Variants in EPHB3 observed in about 807,000 individuals in gnomAD.
The protein encoded by EPHB3 is EPH receptor B3.
A neutral mutation model predicts 100.2 loss-of-function variants in EPHB3; 33 were observed. That is an observed-to-expected ratio of 0.33 (90% confidence interval 0.25 to 0.44). The LOEUF (loss-of-function observed/expected upper bound fraction) is 0.44. Among genes scored for constraint, EPHB3 ranks in the 20% least tolerant of loss-of-function variants. The probability of loss-of-function intolerance (pLI) is 1.00; values close to 1 mark genes in which losing one functional copy is unlikely to be tolerated. For synonymous variants in EPHB3, 526 were observed against 554.7 expected (o/e 0.95, Z 0.73); for missense variants, 1,045 against 1,378.3 (o/e 0.76, Z 3.83).
rs1406425271 is a variant in EPHB3, at chr3:184,572,551, A to G, written c.231A>G (p.Thr77=). ...GYDEAMNPIR[T]YQVCNVRESS... The stretch of plus-strand genomic sequence containing the variant: ...ATGAGGCCATGAATCCCATCCGCAC[A>G]TACCAGGTGTGTAATGTGCGCGAGT... The change falls in exon 3 of 16, where the codon ACA becomes ACG. Residue 77 remains threonine (T), a synonymous_variant. Transcript: ENST00000330394. The surrounding 1 kb of genome is among the most constrained non-coding windows in gnomAD (Gnocchi z 6.6). 2.6e-6 allele frequency: 4 copies of G among 1,556,168 alleles called. No homozygotes were observed. Among genetic ancestry groups the G allele is most frequent in the Non-Finnish European group, 1.7e-6 (2 of 1,155,394 alleles).
intron 1 of EPHB3, among the ~76,000 whole-genome samples, chr3:184,564,932 C>A (rs753640200): frequency 1.9e-4 from 29 of 152,130 alleles, no homozygotes; most frequent in Non-Finnish European, 1.5e-5. Context: ...CATTTGGTTT[C>A]GTCAGGATTT....
chr3:184,580,180 A>G (rs2108440011), intron 11 of EPHB3, among the ~76,000 whole-genome samples: 1 of 152,338 alleles, frequency 6.6e-6, no homozygotes, highest in Admixed American at 6.5e-5. Flanking sequence ...TGGTTGTAGA[A>G]TGGCAGTGGT....
chr3:184,565,564 T>C lies in EPHB3; in HGVS notation c.118+3211T>C, dbSNP rs1343101042. On this transcript the variant is annotated intron_variant, in intron 1 of 15. Transcript: ENST00000330394. The surrounding 1 kb of genome is among the most constrained non-coding windows in gnomAD (Gnocchi z 4.8). ...CTTGGTAGCTGAGTTGTCACTGCAG[T>C]GGAACCTGTCTCTGAAGGAACAAGA... Among the ~76,000 whole-genome samples the C allele has an allele frequency of 6.6e-6, 1 of 152,076 alleles. No individual in the cohort carries two copies. The highest frequency in any genetic ancestry group is 1.5e-5 in the Non-Finnish European group (1 of 68,004).
rs915206356 is a variant in EPHB3 at position 184,563,660 on chromosome 3, C to T, written c.118+1307C>T. On this transcript the variant is annotated intron_variant, in intron 1 of 15. Transcript: ENST00000330394. The surrounding 1 kb of genome is among the most constrained non-coding windows in gnomAD (Gnocchi z 4.1). ...CACATGCAAATTCAGACTGACACAC[C>T]GAGGTCTCGCCCACACTCGCACACA... Among the ~76,000 whole-genome samples, 7 of 152,136 alleles carry T rather than the reference C, an allele frequency of 4.6e-5. No homozygotes were observed. In the South Asian group the frequency reaches 1.0e-3, roughly 22 times the overall value.
intron 1 of EPHB3, among the ~76,000 whole-genome samples, chr3:184,567,770 G>A (rs1298546109): frequency 6.6e-6 from 1 of 152,218 alleles, no homozygotes; most frequent in African/African-American, 2.4e-5. Flanking sequence ...GCAATTGGGT[G>A]TGTAAGGAGA....
chr3:184,568,091 C>A (rs1714440726), intron 1 of EPHB3, among the ~76,000 whole-genome samples: 1 of 152,118 alleles, frequency 6.6e-6, no homozygotes, highest in Non-Finnish European at 1.5e-5. Context: ...GGAGTGAGCC[C>A]AGCCCCCAGG....
At position 184,574,900 on chromosome 3, in the gene EPHB3, T is replaced by A. The variant is rs551233314; in HGVS notation, c.857-930T>A. Among the ~76,000 whole-genome samples, 8 of 152,318 alleles carry A rather than the reference T, an allele frequency of 5.3e-5. No individual in the cohort carries two copies. In the East Asian group the frequency reaches 1.5e-3, roughly 29 times the overall value. On this transcript the variant is annotated intron_variant, in intron 3 of 15. Transcript: ENST00000330394. The stretch of plus-strand genomic sequence containing the variant: ...GGAATATCACCTTCGTGAGGGCAGA[T>A]GAAACCCCAGAAAAGGGCAAGCCCT...
In EPHB3 at chr3:184,569,935, T is replaced by TTG. The variant is rs551141805; in HGVS notation, c.119-1382_119-1381dup. 1.1e-3 allele frequency among the ~76,000 whole-genome samples: 162 copies of TTG among 152,254 alleles called. No individual in the cohort carries two copies. Among genetic ancestry groups the TTG allele is most frequent in the African/African-American group, 3.8e-3 (158 of 41,540 alleles). ...TGTCTTCCAGGCCACGGGAAAGGAGTTGGCACCTCTTTCCTTCCTTTCCTG... is the reference window on the plus strand; with the variant it reads ...TGTCTTCCAGGCCACGGGAAAGGAGTTGTGGCACCTCTTTCCTTCCTTTCCTG... On this transcript the variant is annotated intron_variant, in intron 1 of 15. Transcript: ENST00000330394. This position sits in a 1 kb window ranked among gnomAD's most constrained non-coding sequence, Gnocchi z 5.4.
Position 184,572,803 on chromosome 3 carries a change from A to G in EPHB3, c.483A>G (p.Ala161=). The part of the protein sequence containing the change: ...ENPYVKVDTI[A]PDESFSRLDA... ...CCTACGTGAAAGTGGACACCATTGC[A>G]CCCGATGAGAGCTTCTCGCGGCTGG... Residue 161 remains alanine (A), a synonymous_variant, in exon 3 of 16, where the codon GCA becomes GCG. Transcript: ENST00000330394. This position sits in a 1 kb window ranked among gnomAD's most constrained non-coding sequence, Gnocchi z 6.6. 2 of 1,588,886 alleles carry G rather than the reference A, an allele frequency of 1.3e-6. No individual in the cohort carries two copies. Among genetic ancestry groups the G allele is most frequent in the Non-Finnish European group, 1.7e-6 (2 of 1,169,202 alleles).
Position 184,578,365 on chromosome 3 carries a change from G to T in EPHB3, c.1749-49G>T. The T allele has an allele frequency of 6.2e-7, 1 of 1,613,152 alleles. No individual in the cohort carries two copies. The highest frequency in any genetic ancestry group is 8.5e-7 in the Non-Finnish European group (1 of 1,179,596). On this transcript the variant is annotated intron_variant, in intron 8 of 15. Transcript: ENST00000330394. This position sits in a 1 kb window ranked among gnomAD's most constrained non-coding sequence, Gnocchi z 4.7. Reference sequence around the variant, plus strand: ...AGCCCAAGGGTGCCCTGAACAAAGGGAGGCAGATGACTTGTCTCAGGCCTG... The same window carrying T: ...AGCCCAAGGGTGCCCTGAACAAAGGTAGGCAGATGACTTGTCTCAGGCCTG...
At chr3:184,566,792 G>A (rs1408596653) in intron 1 of EPHB3, among the ~76,000 whole-genome samples, 1 of 152,228 alleles carries the variant, frequency 6.6e-6, no homozygotes, top group Non-Finnish European at 1.5e-5. Flanking sequence ...CCCTAGTCTG[G>A]AATTTGGGCT....
chr3:184,582,204 C>T lies in EPHB3; in HGVS notation c.*582C>T. ...CAGGCAGGGGCAGGCTGAGGAGTTG[C>T]CCTTTGCCCCCCAGAGACTGACTCT... On this transcript the variant is annotated 3_prime_UTR_variant, in exon 16 of 16. Transcript: ENST00000330394. 6.2e-6 allele frequency: 1 copy of T among 161,742 alleles called. No individual in the cohort carries two copies. Among genetic ancestry groups the T allele is most frequent in the Non-Finnish European group, 1.4e-5 (1 of 73,564 alleles). 10.0% of individuals were successfully genotyped at this position (161,742 alleles called of 1,614,324 possible). A position where few individuals can be genotyped will look rare whatever the true frequency, so the allele number is the denominator to read the frequency against.
Position 184,569,409 on chromosome 3 carries a change from G to T in EPHB3, c.119-1909G>T, listed in dbSNP as rs1017200148. Among the ~76,000 whole-genome samples the T allele has an allele frequency of 6.6e-6, 1 of 151,602 alleles. No individual in the cohort carries two copies. The highest frequency in any genetic ancestry group is 1.5e-5 in the Non-Finnish European group (1 of 67,872). On this transcript the variant is annotated intron_variant, in intron 1 of 15. Transcript: ENST00000330394. This position sits in a 1 kb window ranked among gnomAD's most constrained non-coding sequence, Gnocchi z 5.4. The stretch of plus-strand genomic sequence containing the variant: ...TGTCGGATCCCCGCCAGCCGGCTCC[G>T]CACATCCCTCCGGCTCCGTGCCGCC...
Position 184,581,031 on chromosome 3 carries a change from A to G in EPHB3, c.2598A>G (p.Ala866=), listed in dbSNP as rs1714806901. The part of the protein sequence containing the change: ...RLPPPMDCPT[A]LHQLMLDCWV... ...CACCACCCATGGACTGTCCCACAGC[A>G]CTGCACCAGCTCATGCTGGACTGCT... Residue 866 remains alanine (A), a synonymous_variant, in exon 14 of 16, where the codon GCA becomes GCG. Transcript: ENST00000330394. 5.6e-6 allele frequency: 9 copies of G among 1,613,988 alleles called. No homozygotes were observed. Among genetic ancestry groups the G allele is most frequent in the Non-Finnish European group, 7.6e-6 (9 of 1,180,024 alleles).
At chr3:184,566,747 A>G (rs763925733) in intron 1 of EPHB3, among the ~76,000 whole-genome samples, 1 of 152,254 alleles carries the variant, frequency 6.6e-6, no homozygotes, top group Non-Finnish European at 1.5e-5. Context: ...CTGCGGGCCC[A>G]GCCCTGGTGC....
rs1449060097 is a variant in EPHB3, at chr3:184,579,664, A to G, written c.1925-23A>G. The G allele has an allele frequency of 5.0e-6, 8 of 1,610,084 alleles. No homozygotes were observed. The highest frequency in any genetic ancestry group is 1.3e-5 in the African/African-American group (1 of 74,674). ...CGGGCTGGGTACAGGAGTGAGTCAT[A>G]GCTTGTGCCCTGTGCCCTGCAGGGG... On this transcript the variant is annotated intron_variant, in intron 10 of 15. Transcript: ENST00000330394. The surrounding 1 kb of genome is among the most constrained non-coding windows in gnomAD (Gnocchi z 5.2).
intron 1 of EPHB3, among the ~76,000 whole-genome samples, chr3:184,566,278 C>T (rs548559018): frequency 6.6e-6 from 1 of 152,334 alleles, no homozygotes; most frequent in South Asian, 2.1e-4. Flanking sequence ...AGCACCGAGG[C>T]GTTTGGGCTC....
Position 184,572,785 on chromosome 3 carries a change from G to C in EPHB3, c.465G>C (p.Val155=). Residue 155 remains valine (V), a synonymous_variant, in exon 3 of 16, where the codon GTG becomes GTC. Transcript: ENST00000330394. The surrounding 1 kb of genome is among the most constrained non-coding windows in gnomAD (Gnocchi z 6.6). ...CCTTCTGGATGGAGAACCCCTACGT[G>C]AAAGTGGACACCATTGCACCCGATG... ...SSPFWMENPY[V]KVDTIAPDES... is the part of the protein sequence containing the mutation. 6.2e-7 allele frequency: 1 copy of C among 1,601,652 alleles called. No homozygotes were observed. The highest frequency in any genetic ancestry group is 1.1e-5 in the South Asian group (1 of 89,042).
In EPHB3 at chr3:184,562,626, C is replaced by A. The variant is rs1274423972; in HGVS notation, c.118+273C>A. On this transcript the variant is annotated intron_variant, in intron 1 of 15. Transcript: ENST00000330394. This position sits in a 1 kb window ranked among gnomAD's most constrained non-coding sequence, Gnocchi z 4.8. ...CCCAGAGTCCTGGCCCTGCTGTGAG[C>A]TTTCGCGGGAGTCCCCCACACTCAC... 6.6e-6 allele frequency among the ~76,000 whole-genome samples: 1 copy of A among 152,140 alleles called. No individual in the cohort carries two copies. Among genetic ancestry groups the A allele is most frequent in the Non-Finnish European group, 1.5e-5 (1 of 68,008 alleles).
Sources: gnomAD v4.1 joint callset for allele counts (sites outside exome capture counted in the v4.1 genomes callset) on GRCh38, gnomAD v4.1.1 for gene constraint, Gnocchi (gnomAD v3.1) non-coding constraint, MANE v1.5 for transcripts, NCBI Gene and HGNC (gene_info 2026-07-23, HGNC 2026-07-21) for gene names.